The following CDKL4 variants were observed in gnomAD, a reference collection of about 807,000 sequenced individuals.
CDKL4 encodes cyclin-dependent kinase-like 4.
Under a neutral mutation model 42.0 loss-of-function variants are expected in CDKL4, and 44 were observed. That is an observed-to-expected ratio of 1.05 (90% CI 0.82 to 1.35). CDKL4 has a LOEUF of 1.35. Among genes scored for constraint, CDKL4 ranks in the 40% most tolerant of loss-of-function variants. CDKL4 has a pLI of 0.00. For missense variants in CDKL4, 393 were observed against 369.9 expected, an observed-to-expected ratio of 1.06 and a Z score of -0.51; for synonymous variants, 120 against 121.6, an observed-to-expected ratio of 0.99 and a Z score of 0.09.
In CDKL4 at chr2:39,233,976, C is replaced by T. The variant is rs1276982841; in HGVS notation, c.-56-4388G>A. On this transcript the variant is annotated intron_variant, in intron 1 of 9. Transcript: ENST00000451199. Reference sequence around the variant, plus strand: ...TCACCCAGGCTGGAGTGCAGTGGCACGATCTCGGCTCACTGCAACCTCTGC... The same window carrying T: ...TCACCCAGGCTGGAGTGCAGTGGCATGATCTCGGCTCACTGCAACCTCTGC... 8.8e-5 allele frequency among the ~76,000 whole-genome samples: 13 copies of T among 147,276 alleles called. No individual in the cohort carries two copies. The South Asian group carries it at 1.1e-3, about 12-fold the overall frequency.
At chr2:39,246,982 T>A (rs1325776136), upstream of CDKL4, among the ~76,000 whole-genome samples, 1 of 152,202 alleles carries the variant, frequency 6.6e-6, no homozygotes, top group Non-Finnish European at 1.5e-5. Flanking sequence ...TAGGCTCAAG[T>A]GATTCTCCCA....
At chr2:39,238,368 G>A (rs184161642) in intron 1 of CDKL4, among the ~76,000 whole-genome samples, 28 of 152,282 alleles carry the variant, frequency 1.8e-4, no homozygotes, top group Admixed American at 6.5e-4. Flanking sequence ...AGGAGTTTGA[G>A]GCTACATTGA....
chr2:39,204,462 G>T (rs1024295183), intron 5 of CDKL4, 65 bp downstream of exon 5: 1 of 934,024 alleles, frequency 1.1e-6, no homozygotes, highest in South Asian at 1.4e-5. Flanking sequence ...TCCAATGTAA[G>T]AATTTAAACT....
At chr2:39,221,107 G>A (rs1678334941) in intron 3 of CDKL4, among the ~76,000 whole-genome samples, 1 of 146,924 alleles carries the variant, frequency 6.8e-6, no homozygotes, top group African/African-American at 2.5e-5. Context: ...TCCGTCTCCT[G>A]GGTTCACACC....
rs202016652 is a variant in CDKL4, at chr2:39,190,421, C to A, written c.536G>T (p.Gly179Val). 1.5e-4 allele frequency: 247 copies of A among 1,614,004 alleles called. 2 individuals carry two copies. In the East Asian group the frequency reaches 4.6e-3, roughly 30 times the overall value. ...AATAGCCCATATATCGACTGAAGAA[C>A]CATACTGAGTATCTCCCACAAGAAG... The change falls in exon 6 of 10, where the codon GGT becomes GTT. Residue 179 changes from glycine (G) to valine (V), a missense_variant. Gly to Val is a moderately radical substitution (Grantham distance 109). Transcript: ENST00000451199.
chr2:39,209,268 C>G (rs958997797), intron 4 of CDKL4, among the ~76,000 whole-genome samples: 1 of 149,742 alleles, frequency 6.7e-6, no homozygotes, highest in African/African-American at 2.5e-5. Context: ...GCCGTGAAGG[C>G]GCCACTGCAT....
intron 2 of CDKL4, among the ~76,000 whole-genome samples, chr2:39,228,616 C>T (rs1156303307): frequency 6.6e-6 from 1 of 152,134 alleles, no homozygotes; most frequent in Non-Finnish European, 1.5e-5. Context: ...AATGCAGAAT[C>T]TCGGGCCCAC....
At chr2:39,179,216 T>G (rs781400389) in exon 9 of CDKL4, 1 of 1,612,524 alleles carries the variant, frequency 6.2e-7, no homozygotes, top group Non-Finnish European at 8.5e-7. Flanking sequence ...CTTCCTTCAT[T>G]ACGTGCTTTT....
At chr2:39,169,481 T>C in the CDKL4 span, among the ~76,000 whole-genome samples, 2 of 152,148 alleles carry the variant, frequency 1.3e-5, no homozygotes, top group East Asian at 3.8e-4. Flanking sequence ...TCATAAACAC[T>C]ACAATTTTAT....
chr2:39,207,354 T>A (rs977810174), intron 4 of CDKL4, among the ~76,000 whole-genome samples: 1 of 152,116 alleles, frequency 6.6e-6, no homozygotes, highest in African/African-American at 2.4e-5. Context: ...CACCGCACTC[T>A]AGCCTATGTG....
intron 2 of CDKL4, among the ~76,000 whole-genome samples, chr2:39,228,287 G>A (rs530230610): frequency 1.4e-4 from 22 of 152,154 alleles, no homozygotes; most frequent in Non-Finnish European, 2.9e-4. Context: ...GCCCTCTGCT[G>A]GCTGAGAGGT....
chr2:39,202,915 C>G (rs1214253769), intron 5 of CDKL4, among the ~76,000 whole-genome samples: 2 of 152,214 alleles, frequency 1.3e-5, no homozygotes, highest in Non-Finnish European at 2.9e-5. Context: ...AGTGCCTGAG[C>G]TCATGTCTTG....
In CDKL4 at chr2:39,224,628, C is replaced by T. The variant is rs184405414; in HGVS notation, c.290+1211G>A. Reference sequence around the variant, plus strand: ...AAGCAATCATCGTGCCTCAGCCTCCCGAGTAGCTGGGACTACAGGCACCCA... The same window carrying T: ...AAGCAATCATCGTGCCTCAGCCTCCTGAGTAGCTGGGACTACAGGCACCCA... On this transcript the variant is annotated intron_variant, in intron 3 of 9. Transcript: ENST00000451199. 2.6e-3 allele frequency among the ~76,000 whole-genome samples: 389 copies of T among 151,790 alleles called. 1 individual carries two copies. Among genetic ancestry groups the T allele is most frequent in the African/African-American group, 9.0e-3 (371 of 41,382 alleles).
chr2:39,192,648 T>C (rs1444287995), intron 5 of CDKL4, among the ~76,000 whole-genome samples: 1 of 152,042 alleles, frequency 6.6e-6, no homozygotes, highest in Non-Finnish European at 1.5e-5. Context: ...TTTCATTGAA[T>C]TCTATGCATT....
intron 7 of CDKL4, among the ~76,000 whole-genome samples, chr2:39,185,897 G>A (rs1250045624): frequency 6.6e-6 from 1 of 152,136 alleles, no homozygotes; most frequent in African/African-American, 2.4e-5. Flanking sequence ...GGTCCCAAAT[G>A]CTCCCATCTG....
At chr2:39,194,983 C>G (rs910880097) in intron 5 of CDKL4, among the ~76,000 whole-genome samples, 6 of 152,284 alleles carry the variant, frequency 3.9e-5, no homozygotes, top group African/African-American at 1.4e-4. Flanking sequence ...CTCCCTTCCC[C>G]CAGCCCTGAT....
intron 3 of CDKL4, among the ~76,000 whole-genome samples, chr2:39,217,164 G>T (rs879363036): frequency 8.5e-5 from 13 of 152,194 alleles, no homozygotes; most frequent in Non-Finnish European, 1.5e-4. Flanking sequence ...GGAGCAAAAT[G>T]AACCTCTGGT....
intron 1 of CDKL4, among the ~76,000 whole-genome samples, chr2:39,233,539 A>G (rs143118343): frequency 3.9e-5 from 6 of 152,342 alleles, no homozygotes; most frequent in East Asian, 3.9e-4. Context: ...AAAAAGTGTC[A>G]TCAATGAAAG....
At chr2:39,196,533 C>T (rs1266188878) in intron 5 of CDKL4, among the ~76,000 whole-genome samples, 5 of 152,156 alleles carry the variant, frequency 3.3e-5, no homozygotes, top group Admixed American at 2.6e-4. Context: ...CCCTCAAGTC[C>T]CAGATCTTCC....
Sources: allele counts gnomAD v4.1 joint callset (sites outside exome capture counted in the v4.1 genomes callset), GRCh38; gene constraint gnomAD v4.1.1; transcripts MANE v1.5; gene names NCBI Gene and HGNC (gene_info 2026-07-23, HGNC 2026-07-21).